Variants in RAB2A observed in about 807,000 individuals in gnomAD.
RAB2A encodes the protein ras-related protein Rab-2A.
In RAB2A, 7 loss-of-function variants were observed where a neutral mutation model predicts 32.5. The ratio of observed to expected loss-of-function variants is 0.22; its 90% confidence interval spans 0.12 to 0.40. The LOEUF (loss-of-function observed/expected upper bound fraction) is 0.40, where lower values mean the gene tolerates loss of function less well. Among genes scored for constraint, RAB2A ranks in the 10% least tolerant of loss-of-function variants. RAB2A has a pLI of 1.00. For synonymous variants in RAB2A, 79 were observed against 85.2 expected, an observed-to-expected ratio of 0.93 and a Z score of 0.40; for missense variants, 108 against 260.7, an observed-to-expected ratio of 0.41 and a Z score of 4.03.
chr8:60,608,197 A>T (rs1324505925), intron 6 of RAB2A, among the ~76,000 whole-genome samples: 1 of 152,240 alleles, frequency 6.6e-6, no homozygotes, highest in African/African-American at 2.4e-5. Context: ...AATAGAGAAT[A>T]AGTAAAAGAA....
chr8:60,563,240 T>A (rs1808051121), intron 2 of RAB2A, among the ~76,000 whole-genome samples: 2 of 152,208 alleles, frequency 1.3e-5, no homozygotes, highest in Admixed American at 1.3e-4. Context: ...TATACAAATA[T>A]TCTTTAACCT....
At chr8:60,548,453 T>G (rs1210650247) in intron 1 of RAB2A, among the ~76,000 whole-genome samples, 1 of 25,852 alleles carries the variant, frequency 3.9e-5, no homozygotes. Flanking sequence ...CACTTCCCAG[T>G]AGGGGCGGCC....
intron 1 of RAB2A, among the ~76,000 whole-genome samples, chr8:60,529,015 T>C (rs1400132708): frequency 2.6e-5 from 4 of 152,218 alleles, no homozygotes; most frequent in Admixed American, 2.6e-4. Context: ...GTGTAACAGA[T>C]CTTGGGCAAT....
At chr8:60,581,265 A>G (rs1326202546) in intron 3 of RAB2A, among the ~76,000 whole-genome samples, 1 of 152,222 alleles carries the variant, frequency 6.6e-6, no homozygotes, top group Non-Finnish European at 1.5e-5. Flanking sequence ...ACTGATAAGT[A>G]TAATGCAAAT....
intron 6 of RAB2A, among the ~76,000 whole-genome samples, chr8:60,617,443 T>C (rs1253741145): frequency 6.6e-6 from 1 of 152,230 alleles, no homozygotes; most frequent in African/African-American, 2.4e-5. Flanking sequence ...AGTTTTTACA[T>C]GGAGGATTAT....
intron 1 of RAB2A, among the ~76,000 whole-genome samples, chr8:60,519,664 G>A (rs957689114): frequency 6.6e-6 from 1 of 152,100 alleles, no homozygotes; most frequent in African/African-American, 2.4e-5. Context: ...CTATTATGTA[G>A]GTACCTATTA....
At chr8:60,609,489 T>G (rs896274356) in intron 6 of RAB2A, among the ~76,000 whole-genome samples, 1 of 152,216 alleles carries the variant, frequency 6.6e-6, no homozygotes, top group African/African-American at 2.4e-5. Flanking sequence ...TCTTTTCATT[T>G]CTGCAACCCC....
chr8:60,539,950 G>C (rs1041955186), intron 1 of RAB2A, among the ~76,000 whole-genome samples: 1 of 151,852 alleles, frequency 6.6e-6, no homozygotes, highest in East Asian at 1.9e-4. Context: ...GAGAAATAAG[G>C]CTGGAAAGAT....
chr8:60,529,071 AC>A (rs1479177221), intron 1 of RAB2A, among the ~76,000 whole-genome samples: 20 of 150,880 alleles, frequency 1.3e-4, no homozygotes, highest in Middle Eastern at 3.4e-3. Context: ...TTCTCTCTTG[AC>A]CCATTAAGCA....
chr8:60,526,007 ATGTG>A (rs1319588922), intron 1 of RAB2A, among the ~76,000 whole-genome samples: 4 of 127,688 alleles, frequency 3.1e-5, no homozygotes, highest in East Asian at 4.5e-4. Flanking sequence ...ATATGTATAT[ATGTG>A]TGTGTGTACA....
chr8:60,574,549 A>G (rs1176918194), intron 3 of RAB2A, among the ~76,000 whole-genome samples: 1 of 152,208 alleles, frequency 6.6e-6, no homozygotes. Flanking sequence ...AAACCACTTC[A>G]TTGTCTGTAG....
intron 1 of RAB2A, among the ~76,000 whole-genome samples, chr8:60,553,200 A>G (rs1466594291): frequency 6.6e-6 from 1 of 152,158 alleles, no homozygotes; most frequent in Non-Finnish European, 1.5e-5. Flanking sequence ...ATTGAAATTG[A>G]TTGTTTATTT....
At chr8:60,554,825 C>T (rs984807999) in intron 1 of RAB2A, among the ~76,000 whole-genome samples, 8 of 151,910 alleles carry the variant, frequency 5.3e-5, no homozygotes, top group Non-Finnish European at 1.2e-4. Context: ...TGCACTCCAG[C>T]CTGGGCGACA....
At chr8:60,593,085 G>T (rs1803968422) in intron 6 of RAB2A, among the ~76,000 whole-genome samples, 1 of 152,164 alleles carries the variant, frequency 6.6e-6, no homozygotes, top group Non-Finnish European at 1.5e-5. Context: ...CCTAAAAATT[G>T]ACTACAGTAA....
intron 1 of RAB2A, among the ~76,000 whole-genome samples, chr8:60,527,277 C>T (rs1205126622): frequency 6.6e-6 from 1 of 152,138 alleles, no homozygotes; most frequent in Non-Finnish European, 1.5e-5. Flanking sequence ...GGCCCCTCCC[C>T]CAACATTGGA....
intron 6 of RAB2A, among the ~76,000 whole-genome samples, chr8:60,600,751 A>G (rs895640587): frequency 2.0e-5 from 3 of 152,360 alleles, no homozygotes; most frequent in Admixed American, 6.5e-5. Flanking sequence ...GGGGGAAACT[A>G]CAGATACTAT....
chr8:60,529,140 G>A (rs983632678), intron 1 of RAB2A, among the ~76,000 whole-genome samples: 1 of 148,734 alleles, frequency 6.7e-6, no homozygotes, highest in Non-Finnish European at 1.5e-5. Flanking sequence ...TTTCATTATT[G>A]ATTTCTGACT....
intron 1 of RAB2A, among the ~76,000 whole-genome samples, chr8:60,528,481 C>T (rs570113500): frequency 1.4e-4 from 21 of 152,240 alleles, no homozygotes; most frequent in Middle Eastern, 3.4e-3. Flanking sequence ...TTTTTGCCCT[C>T]TGTGTGTTCT....
chr8:60,594,213 A>G (rs1429162243), intron 6 of RAB2A, among the ~76,000 whole-genome samples: 1 of 152,204 alleles, frequency 6.6e-6, no homozygotes, highest in Non-Finnish European at 1.5e-5. Context: ...AAAATACTCA[A>G]AGAAATAATG....
Sources: gnomAD v4.1 joint callset for allele counts (sites outside exome capture counted in the v4.1 genomes callset) on GRCh38, gnomAD v4.1.1 for gene constraint, MANE v1.5 for transcripts, NCBI Gene and HGNC (gene_info 2026-07-23, HGNC 2026-07-21) for gene names.